MKX: variants seen among roughly 807,000 people sequenced by gnomAD.
MKX encodes homeobox protein Mohawk.
In MKX, 13 loss-of-function variants were observed where a neutral mutation model predicts 36.0. That is an observed-to-expected ratio of 0.36 (90% CI 0.24 to 0.57). The LOEUF is 0.57. Ranked by LOEUF, MKX falls within the 20% of genes least tolerant of loss-of-function variation. The pLI is 0.79. For synonymous variants in MKX, 176 were observed against 178.3 expected (o/e 0.99, Z 0.10); for missense variants, 458 against 456.4 (o/e 1.00, Z -0.03).
chr10:27,701,366 TTTTATA>T lies in MKX; in HGVS notation c.839-25818_839-25813del, dbSNP rs1021630806. Among the ~76,000 whole-genome samples the T allele has an allele frequency of 1.4e-4, 7 of 49,888 alleles. No homozygotes were observed. In the East Asian group the frequency reaches 2.3e-3, roughly 17 times the overall value. 32.7% of individuals were successfully genotyped at this position (49,888 alleles called of 152,430 possible). On this transcript the variant is annotated intron_variant, in intron 5 of 6. Coordinates refer to ENST00000419761, the MANE Select transcript of MKX (RefSeq NM_173576.3). ...GAGCTTTGAGAGTCACAAAAGATGA[TTTTATA>T]TATATATATATATATGTATAAAATT...
chr10:27,711,631 GCA>G (rs1836874249), intron 5 of MKX, among the ~76,000 whole-genome samples: 1 of 148,326 alleles, frequency 6.7e-6, no homozygotes, highest in Admixed American at 6.7e-5. Flanking sequence ...GAGCGCAGTC[GCA>G]CAGTCATAGC....
chr10:27,741,018 T>C lies in MKX; in HGVS notation c.348+327A>G, dbSNP rs1718211803. Reference sequence around the variant, plus strand: ...AATGATGGTCTCACCCCAGACCTGCTGAATCCGAAACTCGGAGGTGGGGCC... The same window carrying C: ...AATGATGGTCTCACCCCAGACCTGCCGAATCCGAAACTCGGAGGTGGGGCC... On this transcript the variant is annotated intron_variant, in intron 3 of 6. Transcript: ENST00000419761. The surrounding 1 kb of genome is among the most constrained non-coding windows in gnomAD (Gnocchi z 5.1). Among the ~76,000 whole-genome samples the C allele has an allele frequency of 1.3e-5, 2 of 152,192 alleles. No homozygotes were observed. The highest frequency in any genetic ancestry group is 2.9e-5 in the Non-Finnish European group (2 of 68,032).
At chr10:27,739,275 T>A (rs921854966) in intron 3 of MKX, among the ~76,000 whole-genome samples, 2 of 152,098 alleles carry the variant, frequency 1.3e-5, no homozygotes, top group Admixed American at 6.5e-5. Flanking sequence ...AGCCATAAGA[T>A]CCGTTGGTAA....
intron 3 of MKX, among the ~76,000 whole-genome samples, chr10:27,738,049 T>C (rs1391821925): frequency 6.6e-6 from 1 of 152,116 alleles, no homozygotes; most frequent in Admixed American, 6.5e-5. Context: ...ATACTCATAG[T>C]CTTTTTTTTA....
At chr10:27,727,749 G>A (rs576817329) in intron 5 of MKX, among the ~76,000 whole-genome samples, 2 of 152,308 alleles carry the variant, frequency 1.3e-5, no homozygotes, top group South Asian at 2.1e-4. Flanking sequence ...AAAGGAGTGA[G>A]GGGCAAGTTT....
chr10:27,715,842 C>G (rs752793778), intron 5 of MKX, among the ~76,000 whole-genome samples: 4 of 152,030 alleles, frequency 2.6e-5, no homozygotes, highest in Non-Finnish European at 5.9e-5. Flanking sequence ...GAAGGGCAGA[C>G]AGAGGACCTA....
intron 1 of MKX, among the ~76,000 whole-genome samples, chr10:27,743,742 C>G (rs1834977917): frequency 6.6e-6 from 1 of 152,202 alleles, no homozygotes. Flanking sequence ...TCCCTTCACT[C>G]CCCAGAACTA....
At chr10:27,703,712 A>T (rs1266182649) in intron 5 of MKX, among the ~76,000 whole-genome samples, 1 of 152,126 alleles carries the variant, frequency 6.6e-6, no homozygotes, top group East Asian at 1.9e-4. Context: ...CAGCCTGGCC[A>T]ACATGGTGAA....
At position 27,741,023 on chromosome 10, in the gene MKX, C is replaced by CCGAAACT; in HGVS notation, c.348+315_348+321dup. On this transcript the variant is annotated intron_variant, in intron 3 of 6. Transcript: ENST00000419761. This position sits in a 1 kb window ranked among gnomAD's most constrained non-coding sequence, Gnocchi z 5.1. ...TGGTCTCACCCCAGACCTGCTGAAT[C>CCGAAACT]CGAAACTCGGAGGTGGGGCCTAGCG... Among the ~76,000 whole-genome samples the CCGAAACT allele has an allele frequency of 6.6e-6, 1 of 152,188 alleles. No individual in the cohort carries two copies. The highest frequency in any genetic ancestry group is 2.4e-5 in the African/African-American group (1 of 41,454).
rs3063184 is a variant in MKX at position 27,744,711 on chromosome 10, TAC to T, written c.-83+994_-83+995del. The T allele has an allele frequency of 0.063, 8,949 of 142,038 alleles. 421 individuals carry two copies. The highest frequency in any genetic ancestry group is 0.13 in the African/African-American group (4,996 of 38,574). 8.8% of individuals were successfully genotyped at this position (142,038 alleles called of 1,614,324 possible). Reference sequence around the variant, plus strand: ...CTCCACTAACACACGCGCGCGCGCATACACACACACACACACACACACACACA... The same window carrying T: ...CTCCACTAACACACGCGCGCGCGCATACACACACACACACACACACACACA... On this transcript the variant is annotated intron_variant, in intron 1 of 6. Transcript: ENST00000419761. This position sits in a 1 kb window ranked among gnomAD's most constrained non-coding sequence, Gnocchi z 5.6.
rs763693197 is a variant in MKX at position 27,734,559 on chromosome 10, T to C, written c.735A>G (p.Thr245=). 2 of 1,614,216 alleles carry C rather than the reference T, an allele frequency of 1.2e-6. No homozygotes were observed. Among genetic ancestry groups the C allele is most frequent in the Non-Finnish European group, 1.7e-6 (2 of 1,180,030 alleles). The part of the protein sequence containing the change: ...MATNTTMMGK[T]RQRNHSGSFS... ...AAGATCCCGAGTGGTTTCTTTGCCT[T>C]GTTTTTCCCATCATGGTAGTGTTCG... Residue 245 remains threonine (T), a synonymous_variant, in exon 5 of 7, where the codon ACA becomes ACG. Coordinates refer to ENST00000419761, the MANE Select transcript of MKX (RefSeq NM_173576.3).
chr10:27,707,295 T>C (rs1017340080), intron 5 of MKX, among the ~76,000 whole-genome samples: 4 of 152,208 alleles, frequency 2.6e-5, no homozygotes, highest in Non-Finnish European at 5.9e-5. Flanking sequence ...ACAAATGCAT[T>C]GGTCTATAGG....
Position 27,744,547 on chromosome 10 carries a change from A to G in MKX, c.-82-1050T>C, listed in dbSNP as rs1835003751. Among the ~76,000 whole-genome samples the G allele has an allele frequency of 6.6e-6, 1 of 152,012 alleles. No homozygotes were observed. The highest frequency in any genetic ancestry group is 2.4e-5 in the African/African-American group (1 of 41,406). The stretch of plus-strand genomic sequence containing the variant: ...CGCGCGGCCGCGGAGCCGCAGAGTT[A>G]CAGCCCCAAGGCGCGCGGCGGACTT... On this transcript the variant is annotated intron_variant, in intron 1 of 6. Transcript: ENST00000419761. The surrounding 1 kb of genome is among the most constrained non-coding windows in gnomAD (Gnocchi z 5.6).
At chr10:27,726,832 G>A (rs1056664308) in intron 5 of MKX, among the ~76,000 whole-genome samples, 1 of 150,938 alleles carries the variant, frequency 6.6e-6, no homozygotes, top group Non-Finnish European at 1.5e-5. Flanking sequence ...ATATACTTAA[G>A]TAAATTTAAA....
At chr10:27,732,059 ATTGT>A (rs1834642669) in intron 5 of MKX, among the ~76,000 whole-genome samples, 1 of 152,168 alleles carries the variant, frequency 6.6e-6, no homozygotes, top group African/African-American at 2.4e-5. Context: ...ACAATTTTGA[ATTGT>A]TTTTCAATAT....
chr10:27,690,803 G>T lies in MKX; in HGVS notation c.839-15249C>A, dbSNP rs554636517. On this transcript the variant is annotated intron_variant, in intron 5 of 6. Coordinates refer to ENST00000419761, the MANE Select transcript of MKX (RefSeq NM_173576.3). The stretch of plus-strand genomic sequence containing the variant: ...CTGGGTCTCTCCTGTCATACCTTAG[G>T]CCTTGATATGGTTTGCCTGTGTCCT... Among the ~76,000 whole-genome samples the T allele has an allele frequency of 1.2e-4, 19 of 152,202 alleles. No homozygotes were observed. In the South Asian group the frequency reaches 3.9e-3, roughly 32 times the overall value.
At chr10:27,737,151 C>G (rs1834796663) in intron 3 of MKX, among the ~76,000 whole-genome samples, 2 of 152,176 alleles carry the variant, frequency 1.3e-5, no homozygotes. Context: ...GCACAAGGAG[C>G]CTGATCCCTT....
intron 5 of MKX, among the ~76,000 whole-genome samples, chr10:27,694,527 A>ATATAT (rs1554770421): frequency 5.2e-5 from 6 of 114,344 alleles, no homozygotes; most frequent in African/African-American, 2.0e-4. Context: ...AAAAAAAAAA[A>ATATAT]ATATATATAT....
rs1238642243 is a variant in MKX, at chr10:27,673,959, C to A, written c.*1270G>T. 1.3e-5 allele frequency: 2 copies of A among 151,854 alleles called. No individual in the cohort carries two copies. Among genetic ancestry groups the A allele is most frequent in the Admixed American group, 6.6e-5 (1 of 15,254 alleles). The allele number at this position is 151,854 out of a possible 1,614,324, so 9.4% of individuals were successfully genotyped here. ...CCTTTTTACTTCTCTGTAGCACATA[C>A]CCTCTGTTATATTTGGCATTTCCAC... On this transcript the variant is annotated 3_prime_UTR_variant, in exon 7 of 7. Transcript: ENST00000419761.
Sources: gnomAD v4.1 joint callset for allele counts (sites outside exome capture counted in the v4.1 genomes callset) on GRCh38, gnomAD v4.1.1 for gene constraint, Gnocchi (gnomAD v3.1) non-coding constraint, MANE v1.5 for transcripts, NCBI Gene and HGNC (gene_info 2026-07-23, HGNC 2026-07-21) for gene names.